The following TMPRSS13 variants were observed in gnomAD, a reference collection of about 807,000 sequenced individuals.
TMPRSS13 encodes the protein transmembrane protease serine 13.
A neutral mutation model predicts 68.4 loss-of-function variants in TMPRSS13; 50 were observed. The ratio of observed to expected loss-of-function variants is 0.73; its 90% CI spans 0.58 to 0.93. The LOEUF is 0.93. TMPRSS13 is among the 40% of genes least tolerant of loss of function. The pLI is 0.00. For missense variants in TMPRSS13, 615 were observed against 729.2 expected (o/e 0.84, Z 1.80); for synonymous variants, 267 against 285.8 (o/e 0.93, Z 0.66).
In TMPRSS13 at chr11:117,906,040, G is replaced by A. The variant is rs2057462049; in HGVS notation, c.1283-304C>T. Among the ~76,000 whole-genome samples the A allele has an allele frequency of 2.6e-5, 4 of 152,346 alleles. No individual in the cohort carries two copies. The South Asian group carries it at 8.3e-4, about 32-fold the overall frequency. The stretch of plus-strand genomic sequence containing the variant: ...AGCTCCCTTGTACAAGCCGATACTG[G>A]GCAGCTGAGGGTCTCTCCCTACTGA... On this transcript the variant is annotated intron_variant, in intron 9 of 12. Coordinates refer to ENST00000524993, the MANE Select transcript of TMPRSS13 (RefSeq NM_001077263.3).
At chr11:117,921,287 A>G (rs2057644429) in intron 1 of TMPRSS13, among the ~76,000 whole-genome samples, 1 of 150,640 alleles carries the variant, frequency 6.6e-6, no homozygotes, top group Non-Finnish European at 1.5e-5. Flanking sequence ...TTGCACCATT[A>G]TGTGATTTGA....
rs2057503581 is a variant in TMPRSS13, at chr11:117,909,883, G to C, written c.1032C>G (p.His344Gln). Residue 344 changes from histidine to glutamine, a missense_variant, in exon 8 of 13, where the codon CAC becomes CAG. Coordinates refer to ENST00000524993, the MANE Select transcript of TMPRSS13 (RefSeq NM_001077263.3). Reference sequence around the variant, plus strand: ...CTCCACAGATGTGGGTGGTGCCGAAGTGCAGACTCACTTGCCAAGGCCACT... The same window carrying C: ...CTCCACAGATGTGGGTGGTGCCGAACTGCAGACTCACTTGCCAAGGCCACT... ...DSKWPWQVSL[H>Q]FGTTHICGGT... 1 of 1,614,138 alleles carries C rather than the reference G, an allele frequency of 6.2e-7. No homozygotes were observed. The highest frequency in any genetic ancestry group is 8.5e-7 in the Non-Finnish European group (1 of 1,180,034).
At position 117,909,897 on chromosome 11, in the gene TMPRSS13, G is replaced by T. The variant is rs1302182910; in HGVS notation, c.1018C>A (p.Gln340Lys). 6.2e-7 allele frequency: 1 copy of T among 1,614,048 alleles called. No homozygotes were observed. The highest frequency in any genetic ancestry group is 8.5e-7 in the Non-Finnish European group (1 of 1,180,050). Residue 340 changes from glutamine to lysine, a missense_variant, in exon 8 of 13, where the codon CAA (glutamine) becomes AAA (lysine). Gln to Lys is a moderately conservative substitution (Grantham distance 53). Transcript: ENST00000524993. ...ALASDSKWPWQVSLHFGTTHI... is the reference protein window; with the variant it reads ...ALASDSKWPWKVSLHFGTTHI... Reference sequence around the variant, plus strand: ...GTGGTGCCGAAGTGCAGACTCACTTGCCAAGGCCACTTGCTATCCGAGGCC... The same window carrying T: ...GTGGTGCCGAAGTGCAGACTCACTTTCCAAGGCCACTTGCTATCCGAGGCC...
intron 5 of TMPRSS13, among the ~76,000 whole-genome samples, chr11:117,912,250 T>A (rs1054417525): frequency 1.3e-5 from 2 of 152,190 alleles, no homozygotes; most frequent in Non-Finnish European, 2.9e-5. Flanking sequence ...CACTCAAGTT[T>A]GAGAAACACC....
intron 5 of TMPRSS13, among the ~76,000 whole-genome samples, chr11:117,912,157 A>G (rs1184824835): frequency 1.3e-5 from 2 of 152,154 alleles, no homozygotes; most frequent in Non-Finnish European, 2.9e-5. Context: ...AGTTATTAAT[A>G]TTAGCAATGC....
chr11:117,928,906 A>G (rs370253582), intron 1 of TMPRSS13, among the ~76,000 whole-genome samples: 1 of 152,260 alleles, frequency 6.6e-6, no homozygotes, highest in African/African-American at 2.4e-5. Context: ...AATGCTTTTG[A>G]TTTTCCAACC....
intron 2 of TMPRSS13, 147 bp from the exon 3 acceptor site, chr11:117,917,421 A>C: frequency 1.6e-6 from 1 of 622,308 alleles, no homozygotes; most frequent in East Asian, 2.8e-5. Context: ...ATGGGGCTCA[A>C]AGTCAATTGA....
chr11:117,904,015 G>A lies in TMPRSS13; in HGVS notation c.1468C>T (p.Leu490Phe). The change falls in exon 11 of 13, where the codon CTT becomes TTT. Residue 490 changes from leucine (L) to phenylalanine (F), a missense_variant. Leu to Phe is a conservative substitution (Grantham distance 22). Transcript: ENST00000524993. ...CNDYLVYDSYLTPRMMCAGDL... is the reference protein window; with the variant it reads ...CNDYLVYDSYFTPRMMCAGDL... The stretch of plus-strand genomic sequence containing the variant: ...CCAGCACACATCATCCTTGGGGTAA[G>A]GTAACTGTCATAGACCAAGTAGTCA... 1 of 1,613,652 alleles carries A rather than the reference G, an allele frequency of 6.2e-7. No individual in the cohort carries two copies. Among genetic ancestry groups the A allele is most frequent in the Non-Finnish European group, 8.5e-7 (1 of 1,179,830 alleles).
chr11:117,922,585 G>A lies in TMPRSS13; in HGVS notation c.22-3747C>T, dbSNP rs750575335. Among the ~76,000 whole-genome samples the A allele has an allele frequency of 1.3e-4, 20 of 152,192 alleles. No homozygotes were observed. Among genetic ancestry groups the A allele is most frequent in the Admixed American group, 3.9e-4 (6 of 15,288 alleles). The stretch of plus-strand genomic sequence containing the variant: ...GGGCAGAACCAGGACCAGAACCCAA[G>A]CTTCCCAAATCCTGGCCTTTGGCAG... On this transcript the variant is annotated intron_variant, in intron 1 of 12. Coordinates refer to ENST00000524993, the MANE Select transcript of TMPRSS13 (RefSeq NM_001077263.3). The surrounding 1 kb of genome is among the most constrained non-coding windows in gnomAD (Gnocchi z 4.2).
intron 1 of TMPRSS13, among the ~76,000 whole-genome samples, chr11:117,919,744 G>A (rs1180817839): frequency 6.6e-6 from 1 of 152,254 alleles, no homozygotes; most frequent in Non-Finnish European, 1.5e-5. Flanking sequence ...TGGTATTTTG[G>A]AAGGCCATTT....
At chr11:117,927,056 TG>T (rs2134935297) in intron 1 of TMPRSS13, among the ~76,000 whole-genome samples, 1 of 152,368 alleles carries the variant, frequency 6.6e-6, no homozygotes, top group Admixed American at 6.5e-5. Context: ...ATAACTCAAC[TG>T]GACGTGTAAA....
intron 9 of TMPRSS13, chr11:117,908,344 A>G: frequency 1.7e-6 from 1 of 597,282 alleles, no homozygotes; most frequent in South Asian, 2.2e-5. Flanking sequence ...CAATCTATTG[A>G]TTAAGATCAG....
In TMPRSS13 at chr11:117,910,180, T is replaced by C. The variant is rs539207378; in HGVS notation, c.947-212A>G. ...AGAGCAGAGCCACCACATGGTGGGG[T>C]GGCTTTCTGGGATCATTCCGCGGAA... On this transcript the variant is annotated intron_variant, in intron 7 of 12. Transcript: ENST00000524993. Among the ~76,000 whole-genome samples the C allele has an allele frequency of 3.3e-5, 5 of 152,178 alleles. No homozygotes were observed. In the East Asian group the frequency reaches 9.7e-4, roughly 30 times the overall value.
rs1016629097 is a variant in TMPRSS13 at position 117,915,788 on chromosome 11, G to C, written c.557-1274C>G. Among the ~76,000 whole-genome samples, 1 of 152,214 alleles carries C rather than the reference G, an allele frequency of 6.6e-6. No individual in the cohort carries two copies. The highest frequency in any genetic ancestry group is 2.4e-5 in the African/African-American group (1 of 41,452). ...TTCTATTCTGTGAGCCCACCCGTGGGTGCCATCTCGCCCCTCCATGGGTTA... is the reference window on the plus strand; with the variant it reads ...TTCTATTCTGTGAGCCCACCCGTGGCTGCCATCTCGCCCCTCCATGGGTTA... On this transcript the variant is annotated intron_variant, in intron 3 of 12. Transcript: ENST00000524993. This position sits in a 1 kb window ranked among gnomAD's most constrained non-coding sequence, Gnocchi z 4.9.
intron 7 of TMPRSS13, 100 bp downstream of exon 7, chr11:117,910,607 T>C (rs2057512754): frequency 8.0e-7 from 1 of 1,243,340 alleles, no homozygotes; most frequent in African/African-American, 1.5e-5. Flanking sequence ...TGTTCCTGAC[T>C]TGAACCCCTG....
At chr11:117,928,323 A>G (rs1220433645) in intron 1 of TMPRSS13, among the ~76,000 whole-genome samples, 5 of 152,200 alleles carry the variant, frequency 3.3e-5, no homozygotes, top group Non-Finnish European at 7.3e-5. Flanking sequence ...AGAAAAGTCA[A>G]GAGGGGGCTG....
chr11:117,924,968 G>T (rs2057690179), intron 1 of TMPRSS13, among the ~76,000 whole-genome samples: 1 of 152,176 alleles, frequency 6.6e-6, no homozygotes, highest in South Asian at 2.1e-4. Flanking sequence ...CCTGGGGGTG[G>T]GGGGCACGGG....
At chr11:117,911,650 G>A in intron 6 of TMPRSS13, 118 bp downstream of exon 6, 2 of 721,052 alleles carry the variant, frequency 2.8e-6, no homozygotes, top group Non-Finnish European at 4.6e-6. Context: ...CACTCATGGT[G>A]GACTCCTGGA....
intron 5 of TMPRSS13, 85 bp from the exon 6 acceptor site, chr11:117,911,945 C>A: frequency 8.9e-7 from 1 of 1,117,570 alleles, no homozygotes; most frequent in South Asian, 1.3e-5. Context: ...CCCCACCAGC[C>A]CTGCCGACAG....
Sources: gnomAD v4.1 joint callset for allele counts (sites outside exome capture counted in the v4.1 genomes callset) on GRCh38, gnomAD v4.1.1 for gene constraint, Gnocchi (gnomAD v3.1) non-coding constraint, MANE v1.5 for transcripts, NCBI Gene and HGNC (gene_info 2026-07-23, HGNC 2026-07-21) for gene names.